Variants in PSIP1 observed in about 807,000 individuals in gnomAD.
The protein encoded by PSIP1 is PC4 and SFRS1-interacting protein.
A neutral mutation model predicts 74.7 loss-of-function variants in PSIP1; 19 were observed. The observed-to-expected ratio is 0.25, with a 90% CI of 0.18 to 0.37. The LOEUF (loss-of-function observed/expected upper bound fraction) is 0.37, where lower values mean the gene tolerates loss of function less well. PSIP1 is among the 10% of genes least tolerant of loss of function. PSIP1 has a pLI of 1.00. For missense variants in PSIP1, 601 were observed against 614.3 expected (o/e 0.98, Z 0.23); for synonymous variants, 222 against 195.3 (o/e 1.14, Z -1.14).
Position 15,472,536 on chromosome 9 carries a change from G to A in PSIP1, c.977+96C>T. On this transcript the variant is annotated intron_variant, in intron 10 of 15. Coordinates refer to ENST00000380733, the MANE Select transcript of PSIP1 (RefSeq NM_033222.5). The stretch of plus-strand genomic sequence containing the variant: ...CATGGGAAAAGTCACTTCTTCAAAA[G>A]GCTTCATAAAGTCTGGAAAATGAAA... The A allele has an allele frequency of 2.0e-6, 3 of 1,480,916 alleles. No homozygotes were observed. The East Asian group carries it at 7.4e-5, about 37-fold the overall frequency. The allele number at this position is 1,480,916 out of a possible 1,614,324, so 91.7% of individuals were successfully genotyped here. A position where few individuals can be genotyped will look rare whatever the true frequency, so the allele number is the denominator to read the frequency against.
chr9:15,464,166 GATA>G lies in PSIP1; in HGVS notation c.*1351_*1353del, dbSNP rs2035450897. ...GTTAAAACTGTATAAGGACCAAACA[GATA>G]ATGACTGGTATATATGCAGGTTCTC... On this transcript the variant is annotated 3_prime_UTR_variant, in exon 16 of 16. Transcript: ENST00000380733. The G allele has an allele frequency of 5.4e-6, 1 of 186,754 alleles. No individual in the cohort carries two copies. The highest frequency in any genetic ancestry group is 1.1e-5 in the Non-Finnish European group (1 of 88,276). The allele number at this position is 186,754 out of a possible 1,614,324, so 11.6% of individuals were successfully genotyped here. A position where few individuals can be genotyped will look rare whatever the true frequency, so the allele number is the denominator to read the frequency against.
At chr9:15,502,975 C>T (rs1462974656) in intron 3 of PSIP1, among the ~76,000 whole-genome samples, 1 of 152,190 alleles carries the variant, frequency 6.6e-6, no homozygotes, top group Admixed American at 6.5e-5. Flanking sequence ...ATTAAAAAAC[C>T]TTAATCTATA....
chr9:15,501,109 A>G (rs904536280), intron 3 of PSIP1, among the ~76,000 whole-genome samples: 2 of 152,190 alleles, frequency 1.3e-5, no homozygotes, highest in African/African-American at 2.4e-5. Flanking sequence ...TACAAATGAC[A>G]AAGAAAAAAA....
At chr9:15,505,721 T>A (rs2037556811) in intron 3 of PSIP1, 1 of 152,226 alleles carries the variant, frequency 6.6e-6, no homozygotes, top group Non-Finnish European at 1.5e-5. Context: ...CTTCTTTGTA[T>A]GTAAATTCCA....
In PSIP1 at chr9:15,510,920, G is replaced by A. The variant is rs1297786121; in HGVS notation, c.-245C>T. 2.0e-5 allele frequency: 3 copies of A among 152,884 alleles called. No homozygotes were observed. The highest frequency in any genetic ancestry group is 6.5e-5 in the Admixed American group (1 of 15,280). 9.5% of individuals were successfully genotyped at this position (152,884 alleles called of 1,614,324 possible). The stretch of plus-strand genomic sequence containing the variant: ...CCAGCTGCCGCAGAGGCGTCTCAAC[G>A]GCTCGGAATCGCAACCGCGCCGCCG... On this transcript the variant is annotated 5_prime_UTR_variant, in exon 1 of 16. Coordinates refer to ENST00000380733, the MANE Select transcript of PSIP1 (RefSeq NM_033222.5).
intron 7 of PSIP1, 94 bp downstream of exon 7, chr9:15,479,497 T>A: frequency 4.5e-6 from 4 of 892,950 alleles, no homozygotes; most frequent in Non-Finnish European, 6.8e-6. Context: ...ATTGCCTATT[T>A]GCTTCATTCC....
At chr9:15,471,360 A>C in intron 10 of PSIP1, 2 of 1,559,076 alleles carry the variant, frequency 1.3e-6, no homozygotes, top group Non-Finnish European at 1.8e-6. Context: ...AAGAAAACAC[A>C]AATATTAGAA....
intron 3 of PSIP1, among the ~76,000 whole-genome samples, chr9:15,495,539 A>T (rs2037034408): frequency 6.6e-6 from 1 of 152,190 alleles, no homozygotes; most frequent in Non-Finnish European, 1.5e-5. Context: ...GAACACTGAT[A>T]TTAAAGTGTA....
intron 3 of PSIP1, among the ~76,000 whole-genome samples, chr9:15,502,741 G>C (rs900026112): frequency 6.6e-6 from 1 of 152,306 alleles, no homozygotes; most frequent in African/African-American, 2.4e-5. Flanking sequence ...ATAATACCAA[G>C]ACTTGGCTTC....
intron 8 of PSIP1, 104 bp from the exon 9 acceptor site, chr9:15,474,341 G>A (rs1029492911): frequency 1.0e-6 from 1 of 960,664 alleles, no homozygotes; most frequent in Admixed American, 2.7e-5. Context: ...CTAAAACAAA[G>A]TAAAAAGAGT....
chr9:15,490,412 G>A (rs1417483564), intron 3 of PSIP1, among the ~76,000 whole-genome samples: 1 of 152,134 alleles, frequency 6.6e-6, no homozygotes, highest in Admixed American at 6.6e-5. Flanking sequence ...GCCATGCGTG[G>A]TGCCTTACGC....
At chr9:15,497,202 T>C (rs2037115508) in intron 3 of PSIP1, among the ~76,000 whole-genome samples, 2 of 138,888 alleles carry the variant, frequency 1.4e-5, no homozygotes, top group Admixed American at 6.7e-5. Flanking sequence ...TAATGGAATA[T>C]GTGACAATAA....
rs1212336996 is a variant in PSIP1 at position 15,490,204 on chromosome 9, A to G, written c.150-80T>C. The G allele has an allele frequency of 3.2e-6, 4 of 1,269,626 alleles. No homozygotes were observed. In the African/African-American group the frequency reaches 4.6e-5, roughly 15 times the overall value. 78.6% of individuals were successfully genotyped at this position (1,269,626 alleles called of 1,614,324 possible). On this transcript the variant is annotated intron_variant, in intron 3 of 15. Coordinates refer to ENST00000380733, the MANE Select transcript of PSIP1 (RefSeq NM_033222.5). Reference sequence around the variant, plus strand: ...ATTAGATAAGACACCCTATTACACAATTATCAAAAATACAGAACCTAAACT... The same window carrying G: ...ATTAGATAAGACACCCTATTACACAGTTATCAAAAATACAGAACCTAAACT...
At chr9:15,491,107 G>C (rs967078837) in intron 3 of PSIP1, among the ~76,000 whole-genome samples, 3 of 152,160 alleles carry the variant, frequency 2.0e-5, no homozygotes, top group Admixed American at 1.3e-4. Flanking sequence ...TCTGTTTAAA[G>C]ACACCTTATT....
chr9:15,479,077 A>G (rs1472692260), intron 7 of PSIP1, among the ~76,000 whole-genome samples: 1 of 152,130 alleles, frequency 6.6e-6, no homozygotes, highest in Non-Finnish European at 1.5e-5. Flanking sequence ...AAAAGTAGAA[A>G]AAAAATTCAC....
chr9:15,494,425 C>T (rs1320413042), intron 3 of PSIP1, among the ~76,000 whole-genome samples: 6 of 151,832 alleles, frequency 4.0e-5, no homozygotes, highest in Admixed American at 3.9e-4. Flanking sequence ...ATTAGCCAGG[C>T]GTGGTGGCAC....
chr9:15,486,003 T>C lies in PSIP1; in HGVS notation c.456+3A>G. The stretch of plus-strand genomic sequence containing the variant: ...CCCATGGTTGGTAAGTCAGTGAAAT[T>C]ACCTTTCTCTTTCTCCCCCTTCTGG... On this transcript the variant is annotated splice_donor_region_variant and intron_variant, in intron 6 of 15. Coordinates refer to ENST00000380733, the MANE Select transcript of PSIP1 (RefSeq NM_033222.5). 6.2e-7 allele frequency: 1 copy of C among 1,601,632 alleles called. No individual in the cohort carries two copies. Among genetic ancestry groups the C allele is most frequent in the Non-Finnish European group, 8.6e-7 (1 of 1,169,574 alleles).
rs773232885 is a variant in PSIP1, at chr9:15,465,491, A to G, written c.*29T>C. 5.4e-5 allele frequency: 80 copies of G among 1,491,220 alleles called. No homozygotes were observed. The Admixed American group carries it at 1.5e-3, about 28-fold the overall frequency. 92.4% of individuals were successfully genotyped at this position (1,491,220 alleles called of 1,614,324 possible). A position where few individuals can be genotyped will look rare whatever the true frequency, so the allele number is the denominator to read the frequency against. Reference sequence around the variant, plus strand: ...AATGAAAACCATTACAAACTTCTCAAGTGTTCTCTATATTCCAGGTATGTC... The same window carrying G: ...AATGAAAACCATTACAAACTTCTCAGGTGTTCTCTATATTCCAGGTATGTC... On this transcript the variant is annotated 3_prime_UTR_variant, in exon 16 of 16. Transcript: ENST00000380733.
At position 15,464,399 on chromosome 9, in the gene PSIP1, CAA is replaced by C. The variant is rs2035466867; in HGVS notation, c.*1119_*1120del. Reference sequence around the variant, plus strand: ...AGAAGTGCCAAATGACCCTAATATTCAAAATATCTTAGAAATGCTATCCTTTA... The same window carrying C: ...AGAAGTGCCAAATGACCCTAATATTCAATATCTTAGAAATGCTATCCTTTA... On this transcript the variant is annotated 3_prime_UTR_variant, in exon 16 of 16. Transcript: ENST00000380733. 1 of 196,388 alleles carries C rather than the reference CAA, an allele frequency of 5.1e-6. No homozygotes were observed. Among genetic ancestry groups the C allele is most frequent in the African/African-American group, 2.3e-5 (1 of 43,254 alleles). The allele number at this position is 196,388 out of a possible 1,614,324, so 12.2% of individuals were successfully genotyped here.
Sources: allele counts gnomAD v4.1 joint callset (sites outside exome capture counted in the v4.1 genomes callset), GRCh38; gene constraint gnomAD v4.1.1; transcripts MANE v1.5; gene names NCBI Gene and HGNC (gene_info 2026-07-23, HGNC 2026-07-21).